HECTD4: variants seen among roughly 807,000 people sequenced by gnomAD.
HECTD4 encodes the protein HECT domain E3 ubiquitin protein ligase 4, also known as probable E3 ubiquitin-protein ligase HECTD4.
A neutral mutation model predicts 471.5 loss-of-function variants in HECTD4; 114 were observed. That is an observed-to-expected ratio of 0.24 (90% confidence interval 0.21 to 0.28). HECTD4 has a LOEUF of 0.28. HECTD4 is among the 10% of genes least tolerant of loss of function. HECTD4 has a pLI of 1.00. For missense variants in HECTD4, 3,866 were observed against 5,651.5 expected, an observed-to-expected ratio of 0.68 and a Z score of 10.13; for synonymous variants, 2,012 against 2,256.0, an observed-to-expected ratio of 0.89 and a Z score of 3.07.
chr12:112,188,078 G>A lies in HECTD4; in HGVS notation c.9473-2585C>T, dbSNP rs1426946625. ...AAGGCAGGTGGGTCACCTGAGGTCA[G>A]GAGACTGAGACCAGCCTGGCTAACA... is the stretch of plus-strand genomic sequence containing the variant. On this transcript the variant is annotated intron_variant, in intron 60 of 75. Coordinates refer to ENST00000682272, the MANE Select transcript of HECTD4 (RefSeq NM_001388303.1). This position sits in a 1 kb window ranked among gnomAD's most constrained non-coding sequence, Gnocchi z 4.2. Among the ~76,000 whole-genome samples, 1 of 152,096 alleles carries A rather than the reference G, an allele frequency of 6.6e-6. No individual in the cohort carries two copies. The highest frequency in any genetic ancestry group is 1.5e-5 in the Non-Finnish European group (1 of 68,024).
chr12:112,228,845 G>T lies in HECTD4; in HGVS notation c.6520-34C>A, dbSNP rs775753547. On this transcript the variant is annotated intron_variant, in intron 41 of 75. Coordinates refer to ENST00000682272, the MANE Select transcript of HECTD4 (RefSeq NM_001388303.1). This position sits in a 1 kb window ranked among gnomAD's most constrained non-coding sequence, Gnocchi z 4.9. ...AGACATAGATTAGCACTACCAACCA[G>T]CTCTGACGTGTGGGCAGCTGTCTTA... is the stretch of plus-strand genomic sequence containing the variant. The T allele has an allele frequency of 3.1e-6, 5 of 1,589,810 alleles. No individual in the cohort carries two copies. The highest frequency in any genetic ancestry group is 1.9e-5 in the Admixed American group (1 of 53,104).
At chr12:112,295,742 A>G (rs981743083) in intron 7 of HECTD4, among the ~76,000 whole-genome samples, 1 of 151,528 alleles carries the variant, frequency 6.6e-6, no homozygotes, top group African/African-American at 2.4e-5. Flanking sequence ...CCTGGGCTCA[A>G]GCAATCCTCC....
intron 16 of HECTD4, 131 bp downstream of exon 16, chr12:112,265,044 C>T (rs568305749): frequency 4.1e-5 from 32 of 780,242 alleles, no homozygotes; most frequent in Admixed American, 1.8e-4. Context: ...GGATTACAGG[C>T]GTGAGCCACT....
intron 68 of HECTD4, 144 bp downstream of exon 68, chr12:112,170,973 G>A (rs780450021): frequency 6.4e-6 from 4 of 627,928 alleles, no homozygotes; most frequent in Admixed American, 3.3e-5. Flanking sequence ...CTCCAGAGGA[G>A]CCCTGCCTGC....
intron 7 of HECTD4, among the ~76,000 whole-genome samples, chr12:112,301,107 C>T (rs2035155177): frequency 6.6e-6 from 1 of 151,300 alleles, no homozygotes; most frequent in Non-Finnish European, 1.5e-5. Context: ...AGGCTGGTCT[C>T]GAACTCCTGA....
intron 62 of HECTD4, among the ~76,000 whole-genome samples, chr12:112,180,845 G>A (rs1017280987): frequency 6.6e-6 from 1 of 152,098 alleles, no homozygotes; most frequent in Non-Finnish European, 1.5e-5. Flanking sequence ...TGAGCCCACC[G>A]AGGTCTTTGC....
At chr12:112,379,349 T>A (rs2036846863) in intron 1 of HECTD4, among the ~76,000 whole-genome samples, 1 of 152,228 alleles carries the variant, frequency 6.6e-6, no homozygotes, top group African/African-American at 2.4e-5. Context: ...TTTTGAGAAT[T>A]TAATAAAATA....
At chr12:112,360,370 C>T (rs2036427693) in intron 1 of HECTD4, among the ~76,000 whole-genome samples, 1 of 152,092 alleles carries the variant, frequency 6.6e-6, no homozygotes, top group African/African-American at 2.4e-5. Context: ...TAGCAAAATA[C>T]TATTCTTACC....
intron 59 of HECTD4, among the ~76,000 whole-genome samples, chr12:112,191,572 C>G (rs775763123): frequency 6.6e-6 from 1 of 152,210 alleles, no homozygotes; most frequent in Non-Finnish European, 1.5e-5. Flanking sequence ...ACCAGTCAGA[C>G]AGAAGCCAGG....
At chr12:112,308,447 C>CAAAAAAA (rs886492353) in intron 6 of HECTD4, among the ~76,000 whole-genome samples, 1 of 119,202 alleles carries the variant, frequency 8.4e-6, no homozygotes, top group African/African-American at 3.1e-5. Flanking sequence ...AAAAAAAAAA[C>CAAAAAAA]AAAAACAAAA....
chr12:112,254,048 C>T lies in HECTD4; in HGVS notation c.3442G>A (p.Val1148Met). Residue 1148 changes from valine (V) to methionine (M), a missense_variant, in exon 22 of 76, where the codon GTG becomes ATG. Val to Met is a conservative substitution (Grantham distance 21). Around this residue, in one of 16 missense-constraint regions of HECTD4, gnomAD observed 281 missense variants for 499.9 expected, o/e 0.56. Transcript: ENST00000682272. The stretch of plus-strand genomic sequence containing the variant: ...ATTATGACTGAATACCATACCTTCA[C>T]CAAGTCTTTCGGCCAACCAGTTCCT... ...VLGTGWPKDL[V>M]KVEGDTVTFS... The T allele has an allele frequency of 1.2e-6, 2 of 1,613,926 alleles. No individual in the cohort carries two copies. The highest frequency in any genetic ancestry group is 8.5e-7 in the Non-Finnish European group (1 of 1,179,844).
At chr12:112,181,957 C>T (rs74531234) in intron 62 of HECTD4, among the ~76,000 whole-genome samples, 21,301 of 151,774 alleles carry the variant, frequency 0.14, 1,858 homozygotes, top group African/African-American at 0.24. Context: ...CTGGGTATGG[C>T]GGCGTGCACC....
At chr12:112,252,653 T>C (rs1174670667) in intron 22 of HECTD4, 125 bp from the exon 23 acceptor site, 4 of 1,143,640 alleles carry the variant, frequency 3.5e-6, no homozygotes, top group Middle Eastern at 3.0e-4. Flanking sequence ...CTTTTCTCAT[T>C]TGCTTTTTGA....
chr12:112,205,660 C>T (rs1436981470), intron 52 of HECTD4, among the ~76,000 whole-genome samples: 7 of 151,632 alleles, frequency 4.6e-5, no homozygotes, highest in Non-Finnish European at 1.0e-4. Context: ...GGTGCAATCT[C>T]GGCTCACTGC....
intron 1 of HECTD4, among the ~76,000 whole-genome samples, chr12:112,328,334 A>T (rs1174610679): frequency 6.6e-6 from 1 of 151,868 alleles, no homozygotes; most frequent in East Asian, 1.9e-4. Context: ...GTGGGGTTTC[A>T]CCATGTTGTC....
intron 17 of HECTD4, among the ~76,000 whole-genome samples, 175 bp downstream of exon 17, chr12:112,263,909 G>A (rs1249530355): frequency 6.6e-6 from 1 of 152,100 alleles, no homozygotes; most frequent in African/African-American, 2.4e-5. Context: ...GTCACAAGTA[G>A]GTGACTACTG....
At chr12:112,289,857 A>G (rs747295380) in intron 7 of HECTD4, among the ~76,000 whole-genome samples, 6 of 151,944 alleles carry the variant, frequency 3.9e-5, no homozygotes, top group Non-Finnish European at 8.8e-5. Context: ...TTGTATTTTT[A>G]GTAGAGACAG....
At chr12:112,169,070 T>C (rs903896096) in intron 70 of HECTD4, among the ~76,000 whole-genome samples, 1 of 152,204 alleles carries the variant, frequency 6.6e-6, no homozygotes, top group Non-Finnish European at 1.5e-5. Flanking sequence ...GTTTCCTGAA[T>C]GTCTGGGGCT....
Position 112,182,797 on chromosome 12 carries a change from C to A in HECTD4, c.10987+262G>T, listed in dbSNP as rs1266670799. On this transcript the variant is annotated intron_variant, in intron 62 of 75. Coordinates refer to ENST00000682272, the MANE Select transcript of HECTD4 (RefSeq NM_001388303.1). Reference sequence around the variant, plus strand: ...CCCTGACAGCTGGGAGAAGGGGGAACATTTCTTTTCACATCATACAAAGAT... The same window carrying A: ...CCCTGACAGCTGGGAGAAGGGGGAAAATTTCTTTTCACATCATACAAAGAT... 2.0e-5 allele frequency among the ~76,000 whole-genome samples: 3 copies of A among 152,254 alleles called. No individual in the cohort carries two copies. In the East Asian group the frequency reaches 5.8e-4, roughly 29 times the overall value.
Sources: allele counts gnomAD v4.1 joint callset (sites outside exome capture counted in the v4.1 genomes callset), GRCh38; gene constraint gnomAD v4.1.1; regional missense constraint gnomAD v4.1.1; non-coding constraint Gnocchi (gnomAD v3.1); transcripts MANE v1.5; gene names NCBI Gene and HGNC (gene_info 2026-07-23, HGNC 2026-07-21).